The following NTRK1 variants were observed in gnomAD, a reference collection of about 807,000 sequenced individuals.
NTRK1 encodes high affinity nerve growth factor receptor.
Under a neutral mutation model 86.8 loss-of-function variants are expected in NTRK1, and 62 were observed. The ratio of observed to expected loss-of-function variants is 0.71; its 90% CI spans 0.58 to 0.88. The LOEUF (loss-of-function observed/expected upper bound fraction) is 0.88. Ranked by LOEUF, NTRK1 falls within the 40% of genes least tolerant of loss-of-function variation. The pLI, the probability that NTRK1 is intolerant of heterozygous loss-of-function variation, is 0.00. For missense variants in NTRK1, 967 were observed against 1,078.4 expected, an observed-to-expected ratio of 0.90 and a Z score of 1.45; for synonymous variants, 469 against 456.6, an observed-to-expected ratio of 1.03 and a Z score of -0.35.
At chr1:156,851,038 C>A in intron 2 of NTRK1, 1 of 525,272 alleles carries the variant, frequency 1.9e-6, no homozygotes, top group South Asian at 2.0e-5. Flanking sequence ...ATACTGTGTT[C>A]CAGGCATTGT....
At chr1:156,821,661 T>C (rs1035192259) in intron 1 of NTRK1, among the ~76,000 whole-genome samples, 9 of 152,230 alleles carry the variant, frequency 5.9e-5, no homozygotes, top group African/African-American at 2.2e-4. Context: ...TGTTACTGCA[T>C]TGGCTACTTC....
At chr1:156,820,592 G>C (rs1362013274) in intron 1 of NTRK1, among the ~76,000 whole-genome samples, 2 of 152,172 alleles carry the variant, frequency 1.3e-5, no homozygotes, top group African/African-American at 4.8e-5. Context: ...TCAATTGGCT[G>C]TATGTATTTG....
At chr1:156,841,548 C>T in intron 1 of NTRK1, 1 of 1,613,960 alleles carries the variant, frequency 6.2e-7, no homozygotes, top group Non-Finnish European at 8.5e-7. Flanking sequence ...TGCAGGAGCT[C>T]CTGAGCCCAG....
At chr1:156,816,219 G>T in intron 1 of NTRK1, 1 of 1,423,336 alleles carries the variant, frequency 7.0e-7, no homozygotes, top group Non-Finnish European at 9.3e-7. Flanking sequence ...CAGGAAAAAC[G>T]CAGAAGGGCA....
intron 8 of NTRK1, 178 bp from the exon 9 acceptor site, chr1:156,874,205 C>T (rs2102907878): frequency 9.5e-7 from 1 of 1,048,304 alleles, no homozygotes; most frequent in South Asian, 1.3e-5. Flanking sequence ...GCATCCTGGC[C>T]CAGCTGGAAA....
At chr1:156,856,596 G>C (rs1286957297), upstream of NTRK1, among the ~76,000 whole-genome samples, 2 of 152,128 alleles carry the variant, frequency 1.3e-5, no homozygotes, top group African/African-American at 4.8e-5. Context: ...TTTAGGCTCA[G>C]CTACACTTAG....
At chr1:156,870,483 G>A (rs1487583289) in intron 6 of NTRK1, among the ~76,000 whole-genome samples, 7 of 152,190 alleles carry the variant, frequency 4.6e-5, no homozygotes, top group Admixed American at 3.3e-4. Flanking sequence ...AAGGGGAAGA[G>A]TTATTGGCCC....
In NTRK1 at chr1:156,868,657, C is replaced by G. The variant is rs765301201; in HGVS notation, c.717+10C>G. On this transcript the variant is annotated intron_variant, in intron 6 of 16. Transcript: ENST00000524377. ...GTCAGCCACGGTGATGGTGAGAAGACCTTCGCTGGCAGCCCCCAAGAGGTC... is the reference window on the plus strand; with the variant it reads ...GTCAGCCACGGTGATGGTGAGAAGAGCTTCGCTGGCAGCCCCCAAGAGGTC... 3 of 1,550,230 alleles carry G rather than the reference C, an allele frequency of 1.9e-6. No homozygotes were observed. In the South Asian group the frequency reaches 3.6e-5, roughly 18 times the overall value.
At chr1:156,849,503 CAGGGGGTGGG>C in intron 2 of NTRK1, 44 of 483,636 alleles carry the variant, frequency 9.1e-5, no homozygotes, top group East Asian at 1.6e-4. Flanking sequence ...GAGGTGGGGG[CAGGGGGTGGG>C]AAAGGGGATG....
intron 1 of NTRK1, among the ~76,000 whole-genome samples, chr1:156,819,302 C>T (rs1654117996): frequency 6.6e-6 from 1 of 152,130 alleles, no homozygotes; most frequent in African/African-American, 2.4e-5. Context: ...GCCACCGCAC[C>T]TCACCACATC....
At chr1:156,879,042 C>T (rs1043188685) in intron 14 of NTRK1, 80 bp from the exon 15 acceptor site, 8 of 1,546,198 alleles carry the variant, frequency 5.2e-6, no homozygotes, top group East Asian at 4.5e-5. Context: ...CCATCACACG[C>T]GGCTGCTGGG....
At chr1:156,852,095 G>A (rs1655236458) in intron 2 of NTRK1, 1 of 1,613,616 alleles carries the variant, frequency 6.2e-7, no homozygotes, top group African/African-American at 1.3e-5. Flanking sequence ...AGCTACACAG[G>A]CACGAGGGTC....
chr1:156,848,482 C>A (rs1655086990), intron 2 of NTRK1, among the ~76,000 whole-genome samples: 1 of 152,188 alleles, frequency 6.6e-6, no homozygotes, highest in Non-Finnish European at 1.5e-5. Context: ...AAGAAAAGAG[C>A]AGCTGTGGTC....
intron 15 of NTRK1, 21 bp from the exon 16 acceptor site, chr1:156,879,978 T>A (rs1196637888): frequency 7.4e-6 from 12 of 1,611,910 alleles, no homozygotes; most frequent in Non-Finnish European, 1.0e-5. Flanking sequence ...CTGGAATTGA[T>A]GCAGTGTCCG....
At chr1:156,868,751 G>A in intron 6 of NTRK1, 104 bp downstream of exon 6, 2 of 1,480,016 alleles carry the variant, frequency 1.4e-6, no homozygotes, top group Non-Finnish European at 1.8e-6. Flanking sequence ...CAACGAATAA[G>A]GAGCACACTG....
chr1:156,838,870 C>T (rs1358774270), intron 1 of NTRK1, among the ~76,000 whole-genome samples: 1 of 152,216 alleles, frequency 6.6e-6, no homozygotes, highest in Non-Finnish European at 1.5e-5. Flanking sequence ...GGGGTTGACC[C>T]CACTGCTGCC....
chr1:156,853,900 G>T (rs140893533), intron 2 of NTRK1: 10 of 1,614,116 alleles, frequency 6.2e-6, no homozygotes, highest in Non-Finnish European at 8.5e-6. Context: ...TGTGGTTGGC[G>T]CCAGGTGCTG....
intron 2 of NTRK1, chr1:156,844,242 C>T (rs377318206): frequency 2.9e-5 from 46 of 1,613,700 alleles, no homozygotes; most frequent in Non-Finnish European, 3.8e-5. Flanking sequence ...ACAGGGGTGG[C>T]AGTGAGGAGG....
At chr1:156,823,222 T>C (rs1654234608) in intron 1 of NTRK1, among the ~76,000 whole-genome samples, 1 of 152,248 alleles carries the variant, frequency 6.6e-6, no homozygotes, top group Non-Finnish European at 1.5e-5. Context: ...TATCCAGATC[T>C]GTGTATTCTG....
Sources: gnomAD v4.1 joint callset for allele counts (sites outside exome capture counted in the v4.1 genomes callset) on GRCh38, gnomAD v4.1.1 for gene constraint, MANE v1.5 for transcripts, NCBI Gene and HGNC (gene_info 2026-07-23, HGNC 2026-07-21) for gene names.